GREM2: variants seen among roughly 807,000 people sequenced by gnomAD.
GREM2 encodes gremlin 2, DAN family BMP antagonist, also known as gremlin-2.
GREM2 carries 11 observed loss-of-function variants against 14.2 expected under a neutral mutation model. The observed-to-expected ratio is 0.78, with a 90% CI of 0.49 to 1.28. The LOEUF (loss-of-function observed/expected upper bound fraction) is 1.28, where lower values mean the gene tolerates loss of function less well. Ranked by LOEUF, GREM2 falls within the 50% of genes most tolerant of loss-of-function variation. The pLI is 0.00. For missense variants in GREM2, 210 were observed against 218.5 expected, an observed-to-expected ratio of 0.96 and a Z score of 0.24; for synonymous variants, 98 against 97.6, an observed-to-expected ratio of 1.00 and a Z score of -0.02.
intron 1 of GREM2, among the ~76,000 whole-genome samples, chr1:240,551,360 T>G (rs1204449312): frequency 6.6e-6 from 1 of 152,198 alleles, no homozygotes. Flanking sequence ...TTTGTTTTTA[T>G]TTTTTTGAGA....
intron 1 of GREM2, among the ~76,000 whole-genome samples, chr1:240,508,886 C>T (rs1677737653): frequency 6.6e-6 from 1 of 152,186 alleles, no homozygotes; most frequent in Non-Finnish European, 1.5e-5. Flanking sequence ...GCACCCCATA[C>T]TCTGAAAAAC....
chr1:240,599,702 G>C (rs954308736), intron 1 of GREM2, among the ~76,000 whole-genome samples: 1 of 152,172 alleles, frequency 6.6e-6, no homozygotes, highest in African/African-American at 2.4e-5. Context: ...CTATTACTTT[G>C]ATAAGTCAAA....
At chr1:240,526,035 C>A (rs550537961) in intron 1 of GREM2, among the ~76,000 whole-genome samples, 1 of 152,176 alleles carries the variant, frequency 6.6e-6, no homozygotes, top group Non-Finnish European at 1.5e-5. Context: ...AGCCAAGAAA[C>A]GTACTCCTGC....
At chr1:240,599,376 A>G (rs972925735) in intron 1 of GREM2, among the ~76,000 whole-genome samples, 23 of 152,210 alleles carry the variant, frequency 1.5e-4, no homozygotes, top group African/African-American at 5.1e-4. Flanking sequence ...GTGGTTCCAG[A>G]CATAAAAAAG....
chr1:240,602,855 C>T (rs1225993739), intron 1 of GREM2, among the ~76,000 whole-genome samples: 3 of 151,420 alleles, frequency 2.0e-5, no homozygotes, highest in African/African-American at 4.9e-5. Flanking sequence ...AGGCGGATCA[C>T]GAGGTCAGGA....
rs533628638 is a variant in GREM2, at chr1:240,490,853, A to G, written c.*2116T>C. On this transcript the variant is annotated 3_prime_UTR_variant, in exon 2 of 2. Transcript: ENST00000318160. ...CTCTCCTCCACTCACCTCCCAATCC[A>G]CCCCTAGCCTCCATTACAATCACGT... 1.5e-4 allele frequency: 23 copies of G among 151,714 alleles called. No homozygotes were observed. The highest frequency in any genetic ancestry group is 5.6e-4 in the African/African-American group (23 of 41,334). The allele number at this position is 151,714 out of a possible 1,614,324, so 9.4% of individuals were successfully genotyped here. A position where few individuals can be genotyped will look rare whatever the true frequency, so the allele number is the denominator to read the frequency against.
rs1357929829 is a variant in GREM2, at chr1:240,492,268, G to A, written c.*701C>T. The A allele has an allele frequency of 2.2e-6, 1 of 444,802 alleles. No individual in the cohort carries two copies. Among genetic ancestry groups the A allele is most frequent in the Non-Finnish European group, 4.6e-6 (1 of 219,360 alleles). 27.6% of individuals were successfully genotyped at this position (444,802 alleles called of 1,614,324 possible). On this transcript the variant is annotated 3_prime_UTR_variant, in exon 2 of 2. Coordinates refer to ENST00000318160, the MANE Select transcript of GREM2 (RefSeq NM_022469.4). ...AGTCCACAAATAGGGGGCGGGGACA[G>A]TGAGGAAGAAGAGGCGGTGGGGACT... is the stretch of plus-strand genomic sequence containing the variant.
Position 240,493,008 on chromosome 1 carries a change from C to T in GREM2, c.468G>A (p.Arg156=), listed in dbSNP as rs1401882921. 1.3e-6 allele frequency: 2 copies of T among 1,577,888 alleles called. No individual in the cohort carries two copies. Among genetic ancestry groups the T allele is most frequent in the Non-Finnish European group, 8.6e-7 (1 of 1,157,654 alleles). ...LKKIQKVKQC[R]CMSVNLSDSD... The stretch of plus-strand genomic sequence containing the variant: ...AGTCGCTCAGGTTCACGGACATGCA[C>T]CGGCACTGCTTCACCTTCTGGATTT... The change falls in exon 2 of 2, where the codon CGG becomes CGA. Residue 156 remains arginine (R), a synonymous_variant. Transcript: ENST00000318160.
At chr1:240,560,806 T>G (rs563003992) in intron 1 of GREM2, among the ~76,000 whole-genome samples, 2 of 152,310 alleles carry the variant, frequency 1.3e-5, no homozygotes, top group South Asian at 4.1e-4. Context: ...TAGCCGTACC[T>G]TCTCCTCCCT....
chr1:240,606,537 G>A (rs962894520), intron 1 of GREM2, among the ~76,000 whole-genome samples: 2 of 152,074 alleles, frequency 1.3e-5, no homozygotes, highest in African/African-American at 2.4e-5. Context: ...GCTCTTTAAG[G>A]TACCTTAACT....
In GREM2 at chr1:240,552,923, G is replaced by C. The variant is rs569546530; in HGVS notation, c.-2+58961C>G. Among the ~76,000 whole-genome samples, 3 of 151,120 alleles carry C rather than the reference G, an allele frequency of 2.0e-5. No homozygotes were observed. The South Asian group carries it at 6.4e-4, about 32-fold the overall frequency. ...GTAGTTGATCACATCTTAAATATCT[G>C]AAGGCTCTTAATCTCATTTTAAGCC... On this transcript the variant is annotated intron_variant, in intron 1 of 1. Coordinates refer to ENST00000318160, the MANE Select transcript of GREM2 (RefSeq NM_022469.4).
At position 240,570,167 on chromosome 1, in the gene GREM2, T is replaced by G. The variant is rs142817123; in HGVS notation, c.-2+41717A>C. On this transcript the variant is annotated intron_variant, in intron 1 of 1. Coordinates refer to ENST00000318160, the MANE Select transcript of GREM2 (RefSeq NM_022469.4). ...TGTTGGGTCCATGCTATTGTCTTTT[T>G]AAAACTAAATTAACAGATGGGTGCA... Among the ~76,000 whole-genome samples the G allele has an allele frequency of 1.9e-3, 289 of 152,300 alleles. 1 individual carries two copies. Among genetic ancestry groups the G allele is most frequent in the African/African-American group, 6.7e-3 (279 of 41,578 alleles).
chr1:240,521,959 A>T (rs571794562), intron 1 of GREM2, among the ~76,000 whole-genome samples: 8 of 151,120 alleles, frequency 5.3e-5, no homozygotes, highest in Admixed American at 2.0e-4. Flanking sequence ...CAAAAAAAAA[A>T]TTTTTTTTTA....
intron 1 of GREM2, among the ~76,000 whole-genome samples, chr1:240,604,167 A>C (rs1679981534): frequency 6.6e-6 from 1 of 151,910 alleles, no homozygotes; most frequent in Non-Finnish European, 1.5e-5. Context: ...TGGGGAGGGC[A>C]CCAAGCCATT....
chr1:240,547,319 C>T lies in GREM2; in HGVS notation c.-1-53843G>A, dbSNP rs144206083. Among the ~76,000 whole-genome samples the T allele has an allele frequency of 7.3e-3, 1,100 of 151,558 alleles. 13 individuals carry two copies. The highest frequency in any genetic ancestry group is 0.025 in the African/African-American group (1,031 of 41,306). On this transcript the variant is annotated intron_variant, in intron 1 of 1. Transcript: ENST00000318160. Reference sequence around the variant, plus strand: ...ATCAAGACCATCCTGGCTAACACTGCGAAACCCTGTCTCTACTAAAAATAC... The same window carrying T: ...ATCAAGACCATCCTGGCTAACACTGTGAAACCCTGTCTCTACTAAAAATAC...
intron 1 of GREM2, among the ~76,000 whole-genome samples, chr1:240,598,277 A>G (rs898794043): frequency 1.3e-5 from 2 of 152,212 alleles, no homozygotes; most frequent in African/African-American, 4.8e-5. Context: ...GTGTGTGGTG[A>G]GTCAAAAGAC....
intron 1 of GREM2, among the ~76,000 whole-genome samples, chr1:240,568,269 G>A (rs928910747): frequency 2.0e-5 from 3 of 152,058 alleles, no homozygotes; most frequent in South Asian, 2.1e-4. Context: ...CTTGAAGGTA[G>A]TCTGTAATAA....
chr1:240,596,694 CAA>C (rs200180176), intron 1 of GREM2, among the ~76,000 whole-genome samples: 1 of 133,386 alleles, frequency 7.5e-6, no homozygotes, highest in Non-Finnish European at 1.6e-5. Context: ...AAAACTCTGT[CAA>C]AAAAAAAAAA....
chr1:240,539,006 T>A (rs1410649758), intron 1 of GREM2, among the ~76,000 whole-genome samples: 2 of 152,158 alleles, frequency 1.3e-5, no homozygotes, highest in Non-Finnish European at 2.9e-5. Context: ...ATGGCAGACA[T>A]CCACCATGGG....
Sources: gnomAD v4.1 joint callset for allele counts (sites outside exome capture counted in the v4.1 genomes callset) on GRCh38, gnomAD v4.1.1 for gene constraint, MANE v1.5 for transcripts, NCBI Gene and HGNC (gene_info 2026-07-23, HGNC 2026-07-21) for gene names.